ODAD2: variants seen among roughly 807,000 people sequenced by gnomAD.
ODAD2 encodes outer dynein arm docking complex subunit 2, also known as outer dynein arm-docking complex subunit 2.
Under a neutral mutation model 106.8 loss-of-function variants are expected in ODAD2, and 89 were observed. The observed-to-expected ratio is 0.83, with a 90% confidence interval of 0.70 to 0.99. The LOEUF is 0.99. Among genes scored for constraint, ODAD2 ranks in the 50% least tolerant of loss-of-function variants. The pLI is 0.00. For missense variants in ODAD2, 1,168 were observed against 1,238.5 expected (o/e 0.94, Z 0.85); for synonymous variants, 404 against 436.2 (o/e 0.93, Z 0.92).
At chr10:27,861,004 C>G (rs1311803944) in intron 18 of ODAD2, among the ~76,000 whole-genome samples, 158 bp from the exon 19 acceptor site, 1 of 151,936 alleles carries the variant, frequency 6.6e-6, no homozygotes. Flanking sequence ...AGGAACTAGT[C>G]TTTTTTAGAT....
intron 19 of ODAD2, among the ~76,000 whole-genome samples, chr10:27,833,403 AAAC>A (rs1837629453): frequency 6.6e-6 from 1 of 152,234 alleles, no homozygotes; most frequent in Non-Finnish European, 1.5e-5. Context: ...GAGGAAAATT[AAAC>A]TTCTCTAGCA....
At chr10:27,854,863 T>G (rs183629862) in intron 19 of ODAD2, among the ~76,000 whole-genome samples, 1 of 152,178 alleles carries the variant, frequency 6.6e-6, no homozygotes. Context: ...CACATAAGAA[T>G]GTGAATTAAT....
Position 27,940,794 on chromosome 10 carries a change from T to C in ODAD2, c.1755A>G (p.Leu585=). The change falls in exon 13 of 20, where the codon CTA becomes CTG. Residue 585 remains leucine, a synonymous_variant. Transcript: ENST00000305242. ...HGGITKLVAL[L]DCAHDSTKPA... Reference sequence around the variant, plus strand: ...GTTTTGTGGAATCATGTGCACAGTCTAGTAGAGCAACCTATAATAATAGAT... The same window carrying C: ...GTTTTGTGGAATCATGTGCACAGTCCAGTAGAGCAACCTATAATAATAGAT... 1 of 1,613,902 alleles carries C rather than the reference T, an allele frequency of 6.2e-7. No individual in the cohort carries two copies. The highest frequency in any genetic ancestry group is 1.3e-5 in the African/African-American group (1 of 75,032).
At chr10:27,835,030 G>A (rs1837758791) in intron 19 of ODAD2, among the ~76,000 whole-genome samples, 1 of 152,186 alleles carries the variant, frequency 6.6e-6, no homozygotes, top group African/African-American at 2.4e-5. Context: ...AACCGAAGGC[G>A]CAGGGGTTGC....
At chr10:27,923,956 AAG>A (rs779699429) in intron 16 of ODAD2, among the ~76,000 whole-genome samples, 1 of 90,664 alleles carries the variant, frequency 1.1e-5, no homozygotes, top group Non-Finnish European at 2.2e-5. Flanking sequence ...GAAAGAAAGA[AAG>A]AAAGAAAGAA....
Position 27,849,864 on chromosome 10 carries a change from C to G in ODAD2, c.3021+10761G>C, listed in dbSNP as rs553280369. ...TCTTTTTAAAGTCGCAAAAGCTACTCTAAAATAGGAGCTTGTGCATGATTC... is the reference window on the plus strand; with the variant it reads ...TCTTTTTAAAGTCGCAAAAGCTACTGTAAAATAGGAGCTTGTGCATGATTC... On this transcript the variant is annotated intron_variant, in intron 19 of 19. Transcript: ENST00000305242. 5.9e-5 allele frequency among the ~76,000 whole-genome samples: 9 copies of G among 152,300 alleles called. No individual in the cohort carries two copies. The South Asian group carries it at 1.9e-3, about 32-fold the overall frequency.
At chr10:27,962,494 C>T (rs1189668378) in intron 9 of ODAD2, among the ~76,000 whole-genome samples, 1 of 152,142 alleles carries the variant, frequency 6.6e-6, no homozygotes, top group Non-Finnish European at 1.5e-5. Context: ...TCAGCACATC[C>T]CTCCATAATG....
chr10:27,951,817 G>C (rs1847347196), intron 10 of ODAD2, among the ~76,000 whole-genome samples: 1 of 152,070 alleles, frequency 6.6e-6, no homozygotes, highest in African/African-American at 2.4e-5. Context: ...GCTCACATCT[G>C]TAATTCCAGC....
intron 19 of ODAD2, among the ~76,000 whole-genome samples, chr10:27,843,524 G>A: frequency 6.6e-6 from 1 of 152,196 alleles, no homozygotes; most frequent in East Asian, 1.9e-4. Context: ...CCAGCACTTT[G>A]GGAAGCCAAG....
In ODAD2 at chr10:27,986,819, A is replaced by G. The variant is rs143814410; in HGVS notation, c.382+567T>C. 1.4e-3 allele frequency among the ~76,000 whole-genome samples: 209 copies of G among 151,770 alleles called. 2 individuals carry two copies. Among genetic ancestry groups the G allele is most frequent in the African/African-American group, 4.7e-3 (197 of 41,584 alleles). On this transcript the variant is annotated intron_variant, in intron 3 of 19. Coordinates refer to ENST00000305242, the MANE Select transcript of ODAD2 (RefSeq NM_018076.5). Reference sequence around the variant, plus strand: ...GTGTGAACATCACATATTTTTAAGAAGAAGAAAAATATTTGCCACAAAGTT... The same window carrying G: ...GTGTGAACATCACATATTTTTAAGAGGAAGAAAAATATTTGCCACAAAGTT...
At chr10:27,953,069 T>C (rs1847476077) in intron 10 of ODAD2, among the ~76,000 whole-genome samples, 1 of 152,226 alleles carries the variant, frequency 6.6e-6, no homozygotes, top group African/African-American at 2.4e-5. Context: ...TATATGCATA[T>C]AAATCCAACA....
At chr10:27,934,317 C>T (rs1349612894) in intron 16 of ODAD2, among the ~76,000 whole-genome samples, 1 of 151,586 alleles carries the variant, frequency 6.6e-6, no homozygotes. Flanking sequence ...TCTGGAAAGC[C>T]CTAATACAAC....
intron 17 of ODAD2, among the ~76,000 whole-genome samples, chr10:27,873,927 CGTT>C (rs1419243529): frequency 2.6e-5 from 4 of 152,058 alleles, no homozygotes; most frequent in African/African-American, 9.7e-5. Flanking sequence ...CTTTCTGTCT[CGTT>C]GATCCGTCTA....
chr10:27,819,421 T>A (rs1430786632), intron 19 of ODAD2, among the ~76,000 whole-genome samples: 3 of 152,166 alleles, frequency 2.0e-5, no homozygotes, highest in East Asian at 1.9e-4. Flanking sequence ...ATGATTGTAC[T>A]CTCTATCTTC....
chr10:27,837,464 G>T (rs1176891029), intron 19 of ODAD2, among the ~76,000 whole-genome samples: 1 of 152,160 alleles, frequency 6.6e-6, no homozygotes, highest in Non-Finnish European at 1.5e-5. Context: ...AATTTGATCA[G>T]GTTTCCACAA....
chr10:27,976,581 T>A (rs1849203477), intron 7 of ODAD2, among the ~76,000 whole-genome samples: 1 of 152,160 alleles, frequency 6.6e-6, no homozygotes, highest in Admixed American at 6.5e-5. Flanking sequence ...AAAACATTGG[T>A]GAGAGAATTT....
At chr10:27,986,716 T>C (rs540091458) in intron 3 of ODAD2, among the ~76,000 whole-genome samples, 1 of 152,370 alleles carries the variant, frequency 6.6e-6, no homozygotes, top group South Asian at 2.1e-4. Flanking sequence ...TAGGTACTTC[T>C]ACTCATAAGA....
chr10:27,973,257 G>A (rs1848979781), intron 7 of ODAD2, among the ~76,000 whole-genome samples: 2 of 111,148 alleles, frequency 1.8e-5, no homozygotes, highest in Admixed American at 1.7e-4. Flanking sequence ...ACATACATAC[G>A]CTGAGACAGC....
At chr10:27,939,470 C>G (rs988868788) in intron 14 of ODAD2, among the ~76,000 whole-genome samples, 1 of 152,084 alleles carries the variant, frequency 6.6e-6, no homozygotes, top group Non-Finnish European at 1.5e-5. Context: ...AATCCCAGCA[C>G]TTTGGGAGGC....
Sources: allele counts gnomAD v4.1 joint callset (sites outside exome capture counted in the v4.1 genomes callset), GRCh38; gene constraint gnomAD v4.1.1; transcripts MANE v1.5; gene names NCBI Gene and HGNC (gene_info 2026-07-23, HGNC 2026-07-21).